The following FIP1L1 variants were observed in gnomAD, a reference collection of about 807,000 sequenced individuals.
The protein encoded by FIP1L1 is factor interacting with PAPOLA and CPSF1, also known as pre-mRNA 3'-end-processing factor FIP1.
A neutral mutation model predicts 84.6 loss-of-function variants in FIP1L1; 21 were observed. The ratio of observed to expected loss-of-function variants is 0.25; its 90% confidence interval spans 0.18 to 0.36. The LOEUF is 0.36. Ranked by LOEUF, FIP1L1 falls within the 10% of genes least tolerant of loss-of-function variation. The pLI, the probability that FIP1L1 is intolerant of heterozygous loss-of-function variation, is 1.00. For missense variants in FIP1L1, 526 were observed against 751.1 expected (o/e 0.70, Z 3.50); for synonymous variants, 263 against 242.3 (o/e 1.09, Z -0.80).
intron 5 of FIP1L1, among the ~76,000 whole-genome samples, chr4:53,389,242 C>G (rs1742829420): frequency 6.6e-6 from 1 of 152,004 alleles, no homozygotes; most frequent in Non-Finnish European, 1.5e-5. Context: ...ATATCAAATG[C>G]AAGAAGAACT....
At chr4:53,413,185 A>T (rs1757953596) in intron 10 of FIP1L1, among the ~76,000 whole-genome samples, 2 of 150,954 alleles carry the variant, frequency 1.3e-5, no homozygotes, top group Admixed American at 6.6e-5. Context: ...GTGTTTTTAT[A>T]GTTTGGCATT....
intron 13 of FIP1L1, among the ~76,000 whole-genome samples, chr4:53,432,974 T>C (rs1767432695): frequency 6.6e-6 from 1 of 152,204 alleles, no homozygotes; most frequent in South Asian, 2.1e-4. Context: ...TCATCACATT[T>C]TTGAAAATCT....
intron 12 of FIP1L1, among the ~76,000 whole-genome samples, chr4:53,426,889 C>G (rs181656389): frequency 1.3e-5 from 2 of 152,184 alleles, no homozygotes; most frequent in East Asian, 1.9e-4. Context: ...AATGTTAGAA[C>G]TTTAATAACT....
intron 13 of FIP1L1, among the ~76,000 whole-genome samples, chr4:53,436,186 A>G (rs764017249): frequency 2.6e-5 from 4 of 152,196 alleles, no homozygotes; most frequent in Non-Finnish European, 4.4e-5. Flanking sequence ...AAGTTACTCC[A>G]GAATGTAGTG....
chr4:53,394,603 C>T (rs1746244350), intron 9 of FIP1L1, among the ~76,000 whole-genome samples: 1 of 152,036 alleles, frequency 6.6e-6, no homozygotes, highest in African/African-American at 2.4e-5. Flanking sequence ...GCTTTCTCAT[C>T]GCTGACTTAG....
intron 11 of FIP1L1, among the ~76,000 whole-genome samples, chr4:53,416,308 A>G (rs1398636716): frequency 6.6e-6 from 1 of 152,238 alleles, no homozygotes; most frequent in African/African-American, 2.4e-5. Flanking sequence ...TGGTAAAGAA[A>G]CTTAAACTTA....
intron 3 of FIP1L1, among the ~76,000 whole-genome samples, chr4:53,381,460 C>T (rs1177030681): frequency 6.6e-6 from 1 of 152,124 alleles, no homozygotes; most frequent in East Asian, 1.9e-4. Flanking sequence ...TTCTGGCTAC[C>T]TAGAAGCTTA....
chr4:53,388,185 CAG>C (rs1403229518), intron 5 of FIP1L1, among the ~76,000 whole-genome samples: 1 of 152,116 alleles, frequency 6.6e-6, no homozygotes, highest in East Asian at 1.9e-4. Flanking sequence ...TGTAGTACAT[CAG>C]AGACAAAAGA....
intron 9 of FIP1L1, among the ~76,000 whole-genome samples, chr4:53,394,964 T>C (rs1339164778): frequency 6.6e-6 from 1 of 152,230 alleles, no homozygotes; most frequent in Admixed American, 6.5e-5. Flanking sequence ...TTCAAACTTT[T>C]AGTACAGTGG....
At chr4:53,421,212 T>C (rs534345319) in intron 11 of FIP1L1, among the ~76,000 whole-genome samples, 1 of 152,214 alleles carries the variant, frequency 6.6e-6, no homozygotes. Context: ...GGAGCTGATA[T>C]TTGTATAGCA....
At chr4:53,424,169 A>T (rs1414780543) in intron 11 of FIP1L1, among the ~76,000 whole-genome samples, 4 of 152,158 alleles carry the variant, frequency 2.6e-5, no homozygotes, top group African/African-American at 7.2e-5. Flanking sequence ...GAAAATAAAA[A>T]TTTTGACAAT....
chr4:53,396,253 C>T (rs1245595304), intron 9 of FIP1L1, among the ~76,000 whole-genome samples: 1 of 151,960 alleles, frequency 6.6e-6, no homozygotes, highest in African/African-American at 2.4e-5. Flanking sequence ...TTAAGTAGGC[C>T]TTTTAAAGGA....
intron 15 of FIP1L1, among the ~76,000 whole-genome samples, chr4:53,446,278 T>G (rs1774175577): frequency 6.6e-6 from 1 of 152,200 alleles, no homozygotes; most frequent in Admixed American, 6.5e-5. Context: ...TTTATGTGAC[T>G]TAAAGATATT....
chr4:53,429,432 T>C (rs1444976053), intron 13 of FIP1L1, among the ~76,000 whole-genome samples: 1 of 152,168 alleles, frequency 6.6e-6, no homozygotes, highest in Non-Finnish European at 1.5e-5. Context: ...ATTAACCAAA[T>C]GAAAGAGGAC....
chr4:53,414,373 T>C (rs938561849), intron 10 of FIP1L1, among the ~76,000 whole-genome samples: 5 of 152,138 alleles, frequency 3.3e-5, no homozygotes, highest in African/African-American at 1.2e-4. Flanking sequence ...CATTTCTGCA[T>C]TGACATCATA....
intron 11 of FIP1L1, among the ~76,000 whole-genome samples, chr4:53,419,766 A>G (rs1761346006): frequency 6.6e-6 from 1 of 152,118 alleles, no homozygotes; most frequent in South Asian, 2.1e-4. Context: ...AATGTGATGT[A>G]CTTGTAAGGA....
chr4:53,456,818 G>T (rs1365767127), intron 16 of FIP1L1, among the ~76,000 whole-genome samples: 1 of 152,016 alleles, frequency 6.6e-6, no homozygotes, highest in Non-Finnish European at 1.5e-5. Context: ...CTGTTATAAG[G>T]TTCCCATCAC....
intron 15 of FIP1L1, among the ~76,000 whole-genome samples, chr4:53,451,667 TAC>T (rs2150373509): frequency 1.3e-5 from 2 of 151,782 alleles, no homozygotes; most frequent in South Asian, 2.1e-4. Context: ...TCTCCATCAA[TAC>T]AGAGACTTTA....
chr4:53,409,257 C>T (rs1192543484), intron 10 of FIP1L1, among the ~76,000 whole-genome samples: 1 of 152,190 alleles, frequency 6.6e-6, no homozygotes, highest in African/African-American at 2.4e-5. Flanking sequence ...TGCTGGAGGT[C>T]TACTCCAGAT....
Sources: allele counts gnomAD v4.1 joint callset (sites outside exome capture counted in the v4.1 genomes callset), GRCh38; gene constraint gnomAD v4.1.1; transcripts MANE v1.5; gene names NCBI Gene and HGNC (gene_info 2026-07-23, HGNC 2026-07-21).